MYLK: variants seen among roughly 807,000 people sequenced by gnomAD.
The protein encoded by MYLK is myosin light chain kinase.
In MYLK, 106 loss-of-function variants were observed where a neutral mutation model predicts 203.4. The ratio of observed to expected loss-of-function variants is 0.52; its 90% CI spans 0.45 to 0.61. The LOEUF is 0.61. MYLK is among the 20% of genes least tolerant of loss of function. MYLK has a pLI of 0.00. For missense variants in MYLK, 2,072 were observed against 2,442.3 expected (o/e 0.85, Z 3.20); for synonymous variants, 867 against 959.5 (o/e 0.90, Z 1.78).
intron 6 of MYLK, 79 bp from the exon 7 acceptor site, chr3:123,739,141 A>G: frequency 7.9e-6 from 12 of 1,514,926 alleles, no homozygotes; most frequent in Non-Finnish European, 1.1e-5. Flanking sequence ...ACTCAAAGGC[A>G]CTAAGTTAAG....
intron 28 of MYLK, chr3:123,638,918 TC>T (rs2058738246): frequency 1.0e-6 from 1 of 985,344 alleles, no homozygotes; most frequent in Non-Finnish European, 1.2e-6. Context: ...TTGCTTAACT[TC>T]GCAGAGCTCA....
At chr3:123,709,604 A>T in intron 14 of MYLK, 152 bp downstream of exon 14, 1 of 965,260 alleles carries the variant, frequency 1.0e-6, no homozygotes, top group Admixed American at 1.7e-5. Context: ...AAAAGAGAGG[A>T]CAAGAGTCTC....
At chr3:123,706,612 C>T (rs910865472) in intron 16 of MYLK, among the ~76,000 whole-genome samples, 15 of 152,188 alleles carry the variant, frequency 9.9e-5, no homozygotes, top group African/African-American at 3.6e-4. Flanking sequence ...CCAGGGCTGG[C>T]ATAGGATTTT....
chr3:123,692,920 C>G lies in MYLK; in HGVS notation c.3449-69G>C, dbSNP rs1576581945. ...ACCTGCCCTGGCATCTGGAGCGCAG[C>G]AGGTGAGTGTTACTCGCACGGGCAG... On this transcript the variant is annotated intron_variant, in intron 18 of 33. Transcript: ENST00000360304. 2.2e-6 allele frequency: 3 copies of G among 1,372,686 alleles called. No individual in the cohort carries two copies. The East Asian group carries it at 6.8e-5, about 31-fold the overall frequency. The allele number at this position is 1,372,686 out of a possible 1,614,324, so 85.0% of individuals were successfully genotyped here. A position where few individuals can be genotyped will look rare whatever the true frequency, so the allele number is the denominator to read the frequency against.
intron 20 of MYLK, among the ~76,000 whole-genome samples, chr3:123,671,007 G>A (rs2059897846): frequency 6.6e-6 from 1 of 152,254 alleles, no homozygotes; most frequent in African/African-American, 2.4e-5. Flanking sequence ...AGCTCTTGCG[G>A]GACAGATCCA....
intron 24 of MYLK, among the ~76,000 whole-genome samples, chr3:123,650,042 A>G (rs991389013): frequency 6.6e-6 from 1 of 152,134 alleles, no homozygotes; most frequent in African/African-American, 2.4e-5. Context: ...GGTCCGGGGA[A>G]CAGGAGGGGT....
At chr3:123,653,324 T>C (rs940418170) in intron 24 of MYLK, among the ~76,000 whole-genome samples, 6 of 152,094 alleles carry the variant, frequency 3.9e-5, no homozygotes, top group Non-Finnish European at 7.4e-5. Context: ...CCTATGAAGC[T>C]TTATAACTAA....
intron 2 of MYLK, among the ~76,000 whole-genome samples, chr3:123,855,752 C>T (rs75674476): frequency 0.075 from 11,468 of 152,170 alleles, 723 homozygotes; most frequent in East Asian, 0.36. Flanking sequence ...CCAGAAGCAT[C>T]ATCACTTTGC....
chr3:123,657,470 T>C lies in MYLK; in HGVS notation c.3986-42A>G, dbSNP rs745957608. ...ACAACATCACCCACACTTTCCAGAA[T>C]TGCAGGCAAAGGAAGTTTTTGAATT... On this transcript the variant is annotated intron_variant, in intron 23 of 33. Coordinates refer to ENST00000360304, the MANE Select transcript of MYLK (RefSeq NM_053025.4). 5.2e-5 allele frequency: 83 copies of C among 1,604,606 alleles called. 1 individual carries two copies. Among genetic ancestry groups the C allele is most frequent in the Admixed American group, 1.9e-4 (11 of 59,206 alleles).
chr3:123,877,548 A>G (rs2033234318), intron 1 of MYLK, among the ~76,000 whole-genome samples: 1 of 152,214 alleles, frequency 6.6e-6, no homozygotes, highest in South Asian at 2.1e-4. Context: ...CAATCACAAT[A>G]AGAAGCCTGA....
At chr3:123,820,688 CTCCTTCCT>C (rs1380306791) in intron 3 of MYLK, among the ~76,000 whole-genome samples, 1 of 118,398 alleles carries the variant, frequency 8.4e-6, no homozygotes, top group Non-Finnish European at 1.7e-5. Flanking sequence ...CCTTCCTTCC[CTCCTTCCT>C]TCCTTCCTTC....
intron 28 of MYLK, among the ~76,000 whole-genome samples, chr3:123,638,469 T>C (rs1415207514): frequency 1.3e-5 from 2 of 152,166 alleles, no homozygotes; most frequent in African/African-American, 4.8e-5. Context: ...AATGGTCTTT[T>C]TGTGAGTCTG....
intron 23 of MYLK, among the ~76,000 whole-genome samples, chr3:123,663,296 C>G (rs2059624281): frequency 6.6e-6 from 1 of 152,104 alleles, no homozygotes; most frequent in Non-Finnish European, 1.5e-5. Context: ...CCACTCAATC[C>G]TGGGATGAAG....
intron 24 of MYLK, among the ~76,000 whole-genome samples, chr3:123,652,214 G>C (rs1029381816): frequency 7.9e-5 from 12 of 152,068 alleles, no homozygotes. Flanking sequence ...AATTAGCAGA[G>C]CTCTTGGTGC....
intron 24 of MYLK, 61 bp from the exon 25 acceptor site, chr3:123,649,255 A>G: frequency 6.2e-7 from 1 of 1,607,416 alleles, no homozygotes; most frequent in Non-Finnish European, 8.5e-7. Flanking sequence ...AGGCCCACTG[A>G]GAGCAAGATG....
intron 2 of MYLK, among the ~76,000 whole-genome samples, chr3:123,843,728 AC>A (rs1428005476): frequency 6.6e-6 from 1 of 152,156 alleles, no homozygotes; most frequent in Non-Finnish European, 1.5e-5. Context: ...AGGAAGGGGA[AC>A]TATTCAAATT....
At chr3:123,651,945 C>T (rs1021271908) in intron 24 of MYLK, among the ~76,000 whole-genome samples, 4 of 152,288 alleles carry the variant, frequency 2.6e-5, no homozygotes, top group South Asian at 4.2e-4. Flanking sequence ...GCAGGAAACT[C>T]GGATCAAGAG....
intron 3 of MYLK, among the ~76,000 whole-genome samples, chr3:123,806,518 G>A (rs2065372446): frequency 1.3e-5 from 2 of 152,176 alleles, no homozygotes; most frequent in South Asian, 4.1e-4. Context: ...CTTGTGGAGG[G>A]CCTAGAGGAT....
chr3:123,718,038 T>G (rs1378251605), intron 13 of MYLK, among the ~76,000 whole-genome samples: 1 of 152,054 alleles, frequency 6.6e-6, no homozygotes, highest in Non-Finnish European at 1.5e-5. Context: ...ATTTTTGTGT[T>G]TTTTGTGGAG....
Sources: allele counts gnomAD v4.1 joint callset (sites outside exome capture counted in the v4.1 genomes callset), GRCh38; gene constraint gnomAD v4.1.1; transcripts MANE v1.5; gene names NCBI Gene and HGNC (gene_info 2026-07-23, HGNC 2026-07-21).